Variants in NFATC3 observed in about 807,000 individuals in gnomAD.
NFATC3 encodes nuclear factor of activated T-cells, cytoplasmic 3.
Under a neutral mutation model 98.6 loss-of-function variants are expected in NFATC3, and 46 were observed. The ratio of observed to expected loss-of-function variants is 0.47; its 90% CI spans 0.37 to 0.60. NFATC3 has a LOEUF of 0.60. NFATC3 is among the 20% of genes least tolerant of loss of function. NFATC3 has a pLI of 0.00. For missense variants in NFATC3, 1,256 were observed against 1,295.5 expected (o/e 0.97, Z 0.47); for synonymous variants, 512 against 472.2 (o/e 1.08, Z -1.09).
chr16:68,111,943 T>C (rs1003298631), intron 1 of NFATC3, among the ~76,000 whole-genome samples: 3 of 152,202 alleles, frequency 2.0e-5, no homozygotes, highest in African/African-American at 7.2e-5. Flanking sequence ...TGTTGAATAT[T>C]GGCATCCAAT....
chr16:68,180,075 A>G (rs758326551), intron 6 of NFATC3, among the ~76,000 whole-genome samples: 4 of 152,142 alleles, frequency 2.6e-5, no homozygotes, highest in Non-Finnish European at 5.9e-5. Context: ...ATTCTGTACC[A>G]TGCTTGGTCA....
intron 6 of NFATC3, among the ~76,000 whole-genome samples, chr16:68,179,868 G>C (rs1025709047): frequency 2.6e-5 from 4 of 152,174 alleles, no homozygotes; most frequent in African/African-American, 9.7e-5. Context: ...AAAGGGCTGG[G>C]AGAAAAATAC....
chr16:68,136,568 C>G (rs576396145), intron 3 of NFATC3, among the ~76,000 whole-genome samples: 7 of 152,270 alleles, frequency 4.6e-5, no homozygotes, highest in African/African-American at 1.2e-4. Flanking sequence ...CACGCCTGGC[C>G]TCAGAGTTTA....
chr16:68,105,894 T>C (rs2035628210), intron 1 of NFATC3, among the ~76,000 whole-genome samples: 1 of 152,166 alleles, frequency 6.6e-6, no homozygotes, highest in South Asian at 2.1e-4. Context: ...CTTCTTTTTT[T>C]TTGAGACAGA....
intron 3 of NFATC3, among the ~76,000 whole-genome samples, chr16:68,133,892 A>C (rs1472521389): frequency 6.6e-6 from 1 of 152,058 alleles, no homozygotes; most frequent in Non-Finnish European, 1.5e-5. Flanking sequence ...TTTAAAAAAA[A>C]AAAAAATGAC....
At chr16:68,192,270 T>TA (rs1163180824) in intron 9 of NFATC3, 1 of 138,398 alleles carries the variant, frequency 7.2e-6, no homozygotes, top group Non-Finnish European at 1.5e-5. Flanking sequence ...TGTATATATA[T>TA]ATGTATGTGT....
chr16:68,134,258 C>T (rs1417751479), intron 3 of NFATC3, among the ~76,000 whole-genome samples: 1 of 152,174 alleles, frequency 6.6e-6, no homozygotes, highest in East Asian at 1.9e-4. Context: ...AACTCATGGG[C>T]TCAAGCGATC....
At position 68,190,903 on chromosome 16, in the gene NFATC3, G is replaced by GA; in HGVS notation, c.2236dup (p.Ser746LysfsTer25). 1 of 1,614,228 alleles carries GA rather than the reference G, an allele frequency of 6.2e-7. No individual in the cohort carries two copies. The highest frequency in any genetic ancestry group is 8.5e-7 in the Non-Finnish European group (1 of 1,180,038). On this transcript the variant is annotated frameshift_variant, in exon 9 of 10. Coordinates refer to ENST00000346183, the MANE Select transcript of NFATC3 (RefSeq NM_173165.3). LOFTEE classifies it high-confidence loss of function. ...CATGACAGTGTACTGTCAGGACAGA[G>GA]AAGTTTGATTTGCTCCATCCCACAA...
At chr16:68,149,082 C>T (rs1251464788) in intron 3 of NFATC3, among the ~76,000 whole-genome samples, 1 of 152,090 alleles carries the variant, frequency 6.6e-6, no homozygotes, top group Non-Finnish European at 1.5e-5. Flanking sequence ...AGTGATAATG[C>T]CTGTCTTACC....
chr16:68,146,778 A>G lies in NFATC3; in HGVS notation c.1402-11091A>G, dbSNP rs532348329. On this transcript the variant is annotated intron_variant, in intron 3 of 9. Transcript: ENST00000346183. ...AATTAAGCAGGCACAGACCTTTGCT[A>G]TGGAAACGATACAGAAACATAACAA... 1.1e-3 allele frequency among the ~76,000 whole-genome samples: 173 copies of G among 152,352 alleles called. 3 individuals carry two copies. The South Asian group carries it at 0.033, about 29-fold the overall frequency.
At chr16:68,212,014 C>G (rs1490380213) in intron 9 of NFATC3, among the ~76,000 whole-genome samples, 1 of 152,186 alleles carries the variant, frequency 6.6e-6, no homozygotes, top group African/African-American at 2.4e-5. Flanking sequence ...TGGCCTCTTG[C>G]TTTGTTCCTG....
chr16:68,172,150 T>G (rs534631720), intron 5 of NFATC3, among the ~76,000 whole-genome samples: 1 of 152,304 alleles, frequency 6.6e-6, no homozygotes, highest in Non-Finnish European at 1.5e-5. Flanking sequence ...GCATCTTCTA[T>G]GAAAGAATTG....
intron 9 of NFATC3, 47 bp downstream of exon 9, chr16:68,191,822 C>G (rs891416677): frequency 6.3e-7 from 1 of 1,595,620 alleles, no homozygotes; most frequent in African/African-American, 1.3e-5. Flanking sequence ...GATTCAGGGA[C>G]TTTATTCTCC....
chr16:68,146,179 G>A (rs907292057), intron 3 of NFATC3, among the ~76,000 whole-genome samples: 33 of 152,182 alleles, frequency 2.2e-4, no homozygotes, highest in African/African-American at 7.5e-4. Context: ...TTCAGATTTT[G>A]GAGCATTCTG....
rs542040204 is a variant in NFATC3, at chr16:68,191,067, T to A, written c.2398T>A (p.Ser800Thr). 6.2e-7 allele frequency: 1 copy of A among 1,614,162 alleles called. No individual in the cohort carries two copies. Among genetic ancestry groups the A allele is most frequent in the South Asian group, 1.1e-5 (1 of 91,080 alleles). ...AGTCACACCAACACCTCCTGTGGGG[T>A]CTTCCTATCAGCCTATGCAAACTAA... ...FQVTPTPPVGSSYQPMQTNVV... is the reference protein window; with the variant it reads ...FQVTPTPPVGTSYQPMQTNVV... The change falls in exon 9 of 10, where the codon TCT (serine) becomes ACT (threonine). Residue 800 changes from serine to threonine, a missense_variant. Physicochemically the swap from Ser to Thr is moderately conservative, Grantham distance 58. Coordinates refer to ENST00000346183, the MANE Select transcript of NFATC3 (RefSeq NM_173165.3).
At chr16:68,095,545 G>A (rs1390035803) in intron 1 of NFATC3, among the ~76,000 whole-genome samples, 1 of 151,866 alleles carries the variant, frequency 6.6e-6, no homozygotes, top group Non-Finnish European at 1.5e-5. Context: ...GTAGAGACAG[G>A]GTTTCACCAT....
intron 1 of NFATC3, among the ~76,000 whole-genome samples, chr16:68,090,462 GA>G (rs1025264946): frequency 9.2e-5 from 14 of 151,660 alleles, no homozygotes; most frequent in Middle Eastern, 3.2e-3. Flanking sequence ...TTAAAAAGAA[GA>G]AAAAAAGAGA....
intron 5 of NFATC3, among the ~76,000 whole-genome samples, chr16:68,170,914 T>C (rs2039429085): frequency 6.6e-6 from 1 of 152,228 alleles, no homozygotes; most frequent in East Asian, 1.9e-4. Flanking sequence ...TATACTATCA[T>C]AGATGTTTTC....
intron 9 of NFATC3, among the ~76,000 whole-genome samples, chr16:68,219,940 A>G (rs1035491377): frequency 2.6e-5 from 4 of 152,348 alleles, no homozygotes; most frequent in East Asian, 1.9e-4. Context: ...TAAGAGTCCT[A>G]TTGGTACTCA....
Sources: gnomAD v4.1 joint callset for allele counts (sites outside exome capture counted in the v4.1 genomes callset) on GRCh38, gnomAD v4.1.1 for gene constraint, MANE v1.5 for transcripts, NCBI Gene and HGNC (gene_info 2026-07-23, HGNC 2026-07-21) for gene names.